Variants in RNF150 observed in about 807,000 individuals in gnomAD.
The protein encoded by RNF150 is ring finger protein 150.
Under a neutral mutation model 39.3 loss-of-function variants are expected in RNF150, and 24 were observed. The observed-to-expected ratio is 0.61, with a 90% confidence interval of 0.44 to 0.86. The LOEUF (loss-of-function observed/expected upper bound fraction) is 0.86, where lower values mean the gene tolerates loss of function less well. Ranked by LOEUF, RNF150 falls within the 40% of genes least tolerant of loss-of-function variation. RNF150 has a pLI of 0.00. For synonymous variants in RNF150, 255 were observed against 227.3 expected, an observed-to-expected ratio of 1.12 and a Z score of -1.10; for missense variants, 502 against 587.8, an observed-to-expected ratio of 0.85 and a Z score of 1.51.
intron 4 of RNF150, among the ~76,000 whole-genome samples, chr4:140,946,603 C>G (rs112411746): frequency 6.6e-6 from 1 of 152,156 alleles, no homozygotes; most frequent in Non-Finnish European, 1.5e-5. Context: ...CCTCCCAGCT[C>G]ATCCTCCTGA....
intron 1 of RNF150, among the ~76,000 whole-genome samples, chr4:141,086,279 A>G (rs936622479): frequency 5.3e-5 from 8 of 152,194 alleles, no homozygotes; most frequent in African/African-American, 1.9e-4. Context: ...AACATCTCCT[A>G]CTATAAGTAT....
At chr4:141,022,074 C>A (rs1202481056) in intron 1 of RNF150, among the ~76,000 whole-genome samples, 2 of 152,110 alleles carry the variant, frequency 1.3e-5, no homozygotes, top group Non-Finnish European at 2.9e-5. Context: ...AGCAAATGTG[C>A]AAAGACATTG....
intron 1 of RNF150, among the ~76,000 whole-genome samples, chr4:141,097,297 T>C (rs1578726144): frequency 6.6e-6 from 1 of 152,196 alleles, no homozygotes; most frequent in Non-Finnish European, 1.5e-5. Flanking sequence ...TGAATGCATT[T>C]CTCTGCTTTG....
chr4:141,174,954 T>A (rs1321417482), intron 1 of RNF150, among the ~76,000 whole-genome samples: 1 of 151,628 alleles, frequency 6.6e-6, no homozygotes, highest in East Asian at 1.9e-4. Flanking sequence ...GATTCTGCAA[T>A]GGCAGCCTTA....
chr4:141,026,999 C>A (rs567860393), intron 1 of RNF150, among the ~76,000 whole-genome samples: 1 of 152,190 alleles, frequency 6.6e-6, no homozygotes, highest in Non-Finnish European at 1.5e-5. Context: ...GGCTGCCACT[C>A]GCTAAACCAG....
intron 5 of RNF150, among the ~76,000 whole-genome samples, chr4:140,913,087 C>A (rs1730677947): frequency 6.6e-6 from 1 of 152,030 alleles, no homozygotes; most frequent in Non-Finnish European, 1.5e-5. Context: ...CATGGTGAAA[C>A]CCTGTCTCAG....
intron 2 of RNF150, among the ~76,000 whole-genome samples, chr4:140,958,616 T>G (rs1732880046): frequency 1.3e-5 from 2 of 152,100 alleles, no homozygotes; most frequent in South Asian, 4.1e-4. Flanking sequence ...TCTCAAATAC[T>G]TGAGTGAAAT....
At chr4:140,890,143 G>A (rs546395026) in intron 6 of RNF150, among the ~76,000 whole-genome samples, 1 of 152,058 alleles carries the variant, frequency 6.6e-6, no homozygotes, top group South Asian at 2.1e-4. Flanking sequence ...TATGTGTGCA[G>A]GTAACAAAAA....
chr4:141,081,103 G>T (rs1380906701), intron 1 of RNF150, among the ~76,000 whole-genome samples: 2 of 152,190 alleles, frequency 1.3e-5, no homozygotes, highest in Non-Finnish European at 2.9e-5. Flanking sequence ...ATCCATTACT[G>T]CCATAATATC....
intron 2 of RNF150, among the ~76,000 whole-genome samples, chr4:140,952,865 T>C (rs1439583673): frequency 6.6e-6 from 1 of 152,212 alleles, no homozygotes; most frequent in Non-Finnish European, 1.5e-5. Context: ...GGATACATTC[T>C]GAGAAATCCA....
intron 1 of RNF150, among the ~76,000 whole-genome samples, chr4:141,182,863 G>T (rs948933650): frequency 1.4e-5 from 2 of 143,652 alleles, no homozygotes; most frequent in Non-Finnish European, 3.0e-5. Flanking sequence ...AAAAGAGCCC[G>T]CATCGCCAAG....
chr4:140,992,148 A>C (rs1306345717), intron 1 of RNF150, among the ~76,000 whole-genome samples: 1 of 152,154 alleles, frequency 6.6e-6, no homozygotes, highest in South Asian at 2.1e-4. Flanking sequence ...TAGCCTTCAG[A>C]ATTTCTATCT....
intron 6 of RNF150, among the ~76,000 whole-genome samples, chr4:140,899,972 C>CTGTGTGTGTG (rs1208364964): frequency 1.4e-5 from 1 of 69,806 alleles, no homozygotes; most frequent in African/African-American, 4.5e-5. Context: ...CTCTCTCTCT[C>CTGTGTGTGTG]TCTGTGTGTG....
In RNF150 at chr4:140,865,945, C is replaced by A. The variant is rs1204418404; in HGVS notation, c.*2316G>T. The A allele has an allele frequency of 6.6e-6, 1 of 152,186 alleles. No individual in the cohort carries two copies. Among genetic ancestry groups the A allele is most frequent in the Admixed American group, 6.5e-5 (1 of 15,282 alleles). 9.4% of individuals were successfully genotyped at this position (152,186 alleles called of 1,614,324 possible). A position where few individuals can be genotyped will look rare whatever the true frequency, so the allele number is the denominator to read the frequency against. ...CAGTAATACTAAAATTTGTTTTGGGCAAAGCCGACTGAAGGAGGAGTCAGT... is the reference window on the plus strand; with the variant it reads ...CAGTAATACTAAAATTTGTTTTGGGAAAAGCCGACTGAAGGAGGAGTCAGT... On this transcript the variant is annotated 3_prime_UTR_variant, in exon 7 of 7. Coordinates refer to ENST00000515673, the MANE Select transcript of RNF150 (RefSeq NM_020724.2).
chr4:140,889,520 C>T (rs1041112385), intron 6 of RNF150, among the ~76,000 whole-genome samples: 8 of 152,204 alleles, frequency 5.3e-5, no homozygotes, highest in Admixed American at 3.3e-4. Flanking sequence ...TCCCTAAATG[C>T]TTCATCTGGG....
chr4:141,141,303 T>C (rs1223865757), intron 1 of RNF150, among the ~76,000 whole-genome samples: 1 of 152,232 alleles, frequency 6.6e-6, no homozygotes, highest in Non-Finnish European at 1.5e-5. Flanking sequence ...ACTTACATTC[T>C]GTGGACTTAG....
intron 5 of RNF150, among the ~76,000 whole-genome samples, chr4:140,913,364 G>C (rs1730692383): frequency 6.6e-6 from 1 of 152,184 alleles, no homozygotes; most frequent in Non-Finnish European, 1.5e-5. Flanking sequence ...ATGCTCAAGA[G>C]CCTGGCCCCA....
intron 1 of RNF150, among the ~76,000 whole-genome samples, chr4:141,127,493 T>C (rs1726784990): frequency 6.6e-6 from 1 of 152,204 alleles, no homozygotes; most frequent in African/African-American, 2.4e-5. Context: ...GTTTAAGGCA[T>C]AGGTAGACTT....
intron 1 of RNF150, among the ~76,000 whole-genome samples, chr4:141,187,319 T>C (rs1728030188): frequency 6.6e-6 from 1 of 152,214 alleles, no homozygotes; most frequent in Admixed American, 6.5e-5. Context: ...GAGAAGAATG[T>C]ATATTCTGTT....
Sources: gnomAD v4.1 joint callset for allele counts (sites outside exome capture counted in the v4.1 genomes callset) on GRCh38, gnomAD v4.1.1 for gene constraint, MANE v1.5 for transcripts, NCBI Gene and HGNC (gene_info 2026-07-23, HGNC 2026-07-21) for gene names.